Variants in GRB2 observed in about 807,000 individuals in gnomAD.
GRB2 encodes growth factor receptor-bound protein 2.
Under a neutral mutation model 27.4 loss-of-function variants are expected in GRB2, and 2 were observed. The ratio of observed to expected loss-of-function variants is 0.07; its 90% CI spans 0.03 to 0.23. GRB2 has a LOEUF of 0.23. GRB2 is among the 10% of genes least tolerant of loss of function. The probability of loss-of-function intolerance (pLI) is 1.00; values close to 1 mark genes in which losing one functional copy is unlikely to be tolerated. For missense variants in GRB2, 102 were observed against 282.4 expected (o/e 0.36, Z 4.58); for synonymous variants, 94 against 99.6 (o/e 0.94, Z 0.33).
intron 2 of GRB2, among the ~76,000 whole-genome samples, chr17:75,337,875 T>TACC (rs1360817610): frequency 1.1e-5 from 1 of 95,086 alleles, no homozygotes; most frequent in East Asian, 2.6e-4. Flanking sequence ...CTACTATTAC[T>TACC]ACTACTACTA....
chr17:75,326,940 CA>C (rs1305585399), intron 3 of GRB2, among the ~76,000 whole-genome samples: 11 of 152,072 alleles, frequency 7.2e-5, no homozygotes, highest in Admixed American at 7.2e-4. Flanking sequence ...TTTTTAAAAG[CA>C]AAAGTTATAG....
chr17:75,322,008 G>C (rs2078463542), intron 4 of GRB2, among the ~76,000 whole-genome samples, 181 bp from the exon 5 acceptor site: 1 of 152,110 alleles, frequency 6.6e-6, no homozygotes, highest in Non-Finnish European at 1.5e-5. Context: ...TGAATGATGG[G>C]CACCAGGACA....
intron 2 of GRB2, among the ~76,000 whole-genome samples, chr17:75,343,359 T>C (rs2078634282): frequency 6.6e-6 from 1 of 152,144 alleles, no homozygotes; most frequent in Non-Finnish European, 1.5e-5. Flanking sequence ...ATTCACCCAC[T>C]GACCAGCAAC....
chr17:75,376,628 A>C (rs2078895842), intron 2 of GRB2, among the ~76,000 whole-genome samples: 1 of 152,154 alleles, frequency 6.6e-6, no homozygotes, highest in Non-Finnish European at 1.5e-5. Context: ...TATAACTTAC[A>C]TATTGTACCA....
chr17:75,374,142 A>G (rs1419998066), intron 2 of GRB2, among the ~76,000 whole-genome samples: 1 of 151,594 alleles, frequency 6.6e-6, no homozygotes, highest in South Asian at 2.1e-4. Flanking sequence ...GCAGAGGCTC[A>G]TGCTTGTAAT....
chr17:75,397,508 T>C (rs2079035844), intron 1 of GRB2, among the ~76,000 whole-genome samples: 1 of 152,222 alleles, frequency 6.6e-6, no homozygotes, highest in Non-Finnish European at 1.5e-5. Context: ...AAAAAACTAC[T>C]ATCCTAAAGG....
rs1311949350 is a variant in GRB2 at position 75,320,698 on chromosome 17, G to A, written c.469-145C>T. On this transcript the variant is annotated intron_variant, in intron 5 of 5. Coordinates refer to ENST00000316804, the MANE Select transcript of GRB2 (RefSeq NM_002086.5). The surrounding 1 kb of genome is among the most constrained non-coding windows in gnomAD (Gnocchi z 4.3). ...CTCACCTCCCATCTCCCAACCCCCC[G>A]TTTATTCTTACCTATTCTAAGTTTA... The A allele has an allele frequency of 1.8e-5, 11 of 627,974 alleles. No individual in the cohort carries two copies. The highest frequency in any genetic ancestry group is 1.5e-4 in the African/African-American group (8 of 54,378). 38.9% of individuals were successfully genotyped at this position (627,974 alleles called of 1,614,324 possible). A position where few individuals can be genotyped will look rare whatever the true frequency, so the allele number is the denominator to read the frequency against.
At chr17:75,384,798 C>T (rs2078951657) in intron 2 of GRB2, among the ~76,000 whole-genome samples, 1 of 151,780 alleles carries the variant, frequency 6.6e-6, no homozygotes, top group Non-Finnish European at 1.5e-5. Context: ...CCTTGGGAGA[C>T]CATTCAGAAA....
At chr17:75,366,500 C>CAAAAAA (rs34051020) in intron 2 of GRB2, among the ~76,000 whole-genome samples, 1 of 111,904 alleles carries the variant, frequency 8.9e-6, no homozygotes, top group African/African-American at 4.0e-5. Flanking sequence ...GATCAGCTTC[C>CAAAAAA]AAAAAAAAAA....
chr17:75,379,319 C>T lies in GRB2; in HGVS notation c.78+14232G>A, dbSNP rs116153320. On this transcript the variant is annotated intron_variant, in intron 2 of 5. Transcript: ENST00000316804. The stretch of plus-strand genomic sequence containing the variant: ...CTGGGCATCAGGAGGGAATTATGAC[C>T]TAATTTATTTTATGCTTTTTCTATT... Among the ~76,000 whole-genome samples, 880 of 151,428 alleles carry T rather than the reference C, an allele frequency of 5.8e-3. 8 individuals are homozygous for T. The highest frequency in any genetic ancestry group is 0.02 in the African/African-American group (839 of 41,190).
chr17:75,390,376 T>C (rs55768318), intron 2 of GRB2, among the ~76,000 whole-genome samples: 7,774 of 152,234 alleles, frequency 0.051, 267 homozygotes, highest in Middle Eastern at 0.088. Context: ...TGTGCTCTAG[T>C]GTAGACTATT....
At chr17:75,340,658 T>C (rs550081091) in intron 2 of GRB2, among the ~76,000 whole-genome samples, 2 of 152,302 alleles carry the variant, frequency 1.3e-5, no homozygotes, top group East Asian at 1.9e-4. Context: ...TTAGAAGCTA[T>C]TAGAATGTTC....
chr17:75,396,268 G>A (rs1238924627), intron 1 of GRB2, among the ~76,000 whole-genome samples: 1 of 148,668 alleles, frequency 6.7e-6, no homozygotes, highest in Non-Finnish European at 1.5e-5. Context: ...TTTGAGACAG[G>A]GTCTTGCACT....
At chr17:75,356,053 C>T (rs975684146) in intron 2 of GRB2, among the ~76,000 whole-genome samples, 5 of 151,770 alleles carry the variant, frequency 3.3e-5, no homozygotes, top group South Asian at 2.1e-4. Flanking sequence ...AGGCTGGTGT[C>T]GAACTCCTGA....
At chr17:75,404,543 A>AG (rs1170688702) in intron 1 of GRB2, among the ~76,000 whole-genome samples, 132 of 46,420 alleles carry the variant, frequency 2.8e-3, no homozygotes, top group Middle Eastern at 0.015. Flanking sequence ...TTAGAAAAAA[A>AG]GGGGGGGGTG....
chr17:75,393,740 G>T lies in GRB2; in HGVS notation c.-112C>A. The T allele has an allele frequency of 1.3e-6, 1 of 784,350 alleles. No individual in the cohort carries two copies. Among genetic ancestry groups the T allele is most frequent in the Non-Finnish European group, 2.2e-6 (1 of 456,612 alleles). 48.6% of individuals were successfully genotyped at this position (784,350 alleles called of 1,614,324 possible). On this transcript the variant is annotated 5_prime_UTR_variant, in exon 2 of 6. Transcript: ENST00000316804. ...TCGCCTCTCTTCTGGGACTCGCTCC[G>T]GCACTCTGGGACACACAATGCCACC... is the stretch of plus-strand genomic sequence containing the variant.
At chr17:75,394,531 C>G (rs923946250) in intron 1 of GRB2, among the ~76,000 whole-genome samples, 2 of 152,184 alleles carry the variant, frequency 1.3e-5, no homozygotes, top group African/African-American at 4.8e-5. Context: ...ATCCCCAAGA[C>G]TCTGGGGTCC....
intron 1 of GRB2, among the ~76,000 whole-genome samples, chr17:75,395,962 C>A (rs890416898): frequency 6.6e-6 from 1 of 151,818 alleles, no homozygotes; most frequent in African/African-American, 2.4e-5. Flanking sequence ...CCTACCTCGG[C>A]CTGTAGCTGG....
chr17:75,324,535 T>TTTTTTTTG (rs1491359485), intron 4 of GRB2, among the ~76,000 whole-genome samples: 2 of 86,198 alleles, frequency 2.3e-5, no homozygotes, highest in African/African-American at 7.5e-5. Context: ...TTTTTTTTTT[T>TTTTTTTTG]GGAGACAGAG....
Sources: gnomAD v4.1 joint callset for allele counts (sites outside exome capture counted in the v4.1 genomes callset) on GRCh38, gnomAD v4.1.1 for gene constraint, Gnocchi (gnomAD v3.1) non-coding constraint, MANE v1.5 for transcripts, NCBI Gene and HGNC (gene_info 2026-07-23, HGNC 2026-07-21) for gene names.